Variants in CDH9 observed in about 807,000 individuals in gnomAD.
CDH9 encodes cadherin 9.
In CDH9, 28 loss-of-function variants were observed where a neutral mutation model predicts 70.9. That is an observed-to-expected ratio of 0.40 (90% CI 0.29 to 0.54). The LOEUF (loss-of-function observed/expected upper bound fraction) is 0.54, where lower values mean the gene tolerates loss of function less well. CDH9 is among the 20% of genes least tolerant of loss of function. The pLI, the probability that CDH9 is intolerant of heterozygous loss-of-function variation, is 0.59. For synonymous variants in CDH9, 409 were observed against 343.1 expected (o/e 1.19, Z -2.12); for missense variants, 874 against 984.4 (o/e 0.89, Z 1.50).
At chr5:26,911,674 GA>G (rs56193729) in intron 3 of CDH9, among the ~76,000 whole-genome samples, 142,065 of 151,426 alleles carry the variant, frequency 0.94, 67,258 homozygotes, top group East Asian at 1. Context: ...ATGATCACAA[GA>G]AAAAAAAAAG....
intron 1 of CDH9, among the ~76,000 whole-genome samples, chr5:27,025,180 G>T (rs1743200898): frequency 6.6e-6 from 1 of 152,116 alleles, no homozygotes; most frequent in South Asian, 2.1e-4. Flanking sequence ...TTTGGGGAAA[G>T]AATATTGGCA....
chr5:27,025,513 A>C (rs574960117), intron 1 of CDH9, among the ~76,000 whole-genome samples: 1 of 152,224 alleles, frequency 6.6e-6, no homozygotes, highest in Non-Finnish European at 1.5e-5. Flanking sequence ...TAAAGAGGGA[A>C]GAGAAGCCGT....
At chr5:27,033,345 T>C (rs1164401658) in intron 1 of CDH9, among the ~76,000 whole-genome samples, 1 of 151,460 alleles carries the variant, frequency 6.6e-6, no homozygotes. Flanking sequence ...TTGTGCTTTC[T>C]TTCTGTTTTC....
chr5:26,988,452 A>C (rs1331692422), intron 1 of CDH9, 70 bp from the exon 2 acceptor site: 2 of 1,306,504 alleles, frequency 1.5e-6, no homozygotes, highest in African/African-American at 3.0e-5. Flanking sequence ...TGTAAACTGA[A>C]ATACTTATTC....
Position 26,906,049 on chromosome 5 carries a change from T to A in CDH9, c.721A>T (p.Met241Leu). Residue 241 changes from methionine to leucine, a missense_variant, in exon 5 of 12, where the codon ATG (methionine) becomes TTG (leucine). Coordinates refer to ENST00000231021, the MANE Select transcript of CDH9 (RefSeq NM_016279.4). ...QYQVVIQAKD[M>L]GGQMGGLSGT... ...GAAAGGCCTCCCATCTGGCCACCCA[T>A]GTCTTTGGCCTGTATAACAACCTGG... is the stretch of plus-strand genomic sequence containing the variant. 6.2e-7 allele frequency: 1 copy of A among 1,613,572 alleles called. No individual in the cohort carries two copies. Among genetic ancestry groups the A allele is most frequent in the Non-Finnish European group, 8.5e-7 (1 of 1,179,456 alleles).
At chr5:27,013,512 C>T (rs996832097) in intron 1 of CDH9, among the ~76,000 whole-genome samples, 11 of 151,856 alleles carry the variant, frequency 7.2e-5, no homozygotes, top group African/African-American at 2.7e-4. Flanking sequence ...GCTATTTGGC[C>T]ATTGAAGTTT....
intron 2 of CDH9, among the ~76,000 whole-genome samples, chr5:26,961,440 A>G (rs1742033556): frequency 6.6e-6 from 1 of 152,088 alleles, no homozygotes; most frequent in Non-Finnish European, 1.5e-5. Flanking sequence ...AATATATACT[A>G]TAGCTTCAAT....
chr5:27,038,026 T>C (rs1743423737), intron 1 of CDH9, among the ~76,000 whole-genome samples: 1 of 151,972 alleles, frequency 6.6e-6, no homozygotes, highest in Non-Finnish European at 1.5e-5. Context: ...TTTTTGACAA[T>C]TTTGACTCAA....
chr5:26,942,590 C>T (rs1193883222), intron 2 of CDH9, among the ~76,000 whole-genome samples: 7 of 152,060 alleles, frequency 4.6e-5, no homozygotes, highest in African/African-American at 9.7e-5. Flanking sequence ...TCAGGATGCA[C>T]GGAAGTTTGG....
intron 5 of CDH9, 88 bp downstream of exon 5, chr5:26,905,871 A>G: frequency 1.0e-6 from 1 of 968,144 alleles, no homozygotes; most frequent in East Asian, 2.4e-5. Flanking sequence ...CCAATAGCAA[A>G]ACTACTAGTA....
At chr5:26,950,504 G>GA (rs1741826862) in intron 2 of CDH9, among the ~76,000 whole-genome samples, 1 of 152,150 alleles carries the variant, frequency 6.6e-6, no homozygotes, top group African/African-American at 2.4e-5. Flanking sequence ...ACTTTCCAGA[G>GA]AAGGAAGTAA....
chr5:27,025,764 C>T (rs1430896620), intron 1 of CDH9, among the ~76,000 whole-genome samples: 1 of 152,000 alleles, frequency 6.6e-6, no homozygotes, highest in African/African-American at 2.4e-5. Context: ...GGTTCTTATT[C>T]TCTCGTGCCT....
Position 26,890,522 on chromosome 5 carries a change from A to T in CDH9, c.1296T>A (p.Gly432=), listed in dbSNP as rs1311654671. 1 of 1,607,176 alleles carries T rather than the reference A, an allele frequency of 6.2e-7. No individual in the cohort carries two copies. The highest frequency in any genetic ancestry group is 8.5e-7 in the Non-Finnish European group (1 of 1,173,780). ...DRHTDMDRIF[G]IHSENGSIFT... ...AAATAGAACCATTTTCTGAGTGAAT[A>T]CCAAAAATACGGTCCATATCAGTAT... Residue 432 remains glycine, a synonymous_variant, in exon 8 of 12, where the codon GGT becomes GGA. Coordinates refer to ENST00000231021, the MANE Select transcript of CDH9 (RefSeq NM_016279.4).
chr5:27,018,959 G>T (rs773379522), intron 1 of CDH9, among the ~76,000 whole-genome samples: 1 of 151,744 alleles, frequency 6.6e-6, no homozygotes, highest in Non-Finnish European at 1.5e-5. Flanking sequence ...TTATTCCTTT[G>T]TCCCAAAGTA....
intron 1 of CDH9, among the ~76,000 whole-genome samples, chr5:27,018,628 T>C (rs1419354771): frequency 6.6e-6 from 1 of 151,986 alleles, no homozygotes; most frequent in East Asian, 1.9e-4. Context: ...GCATTCCCTT[T>C]AATAATGTAT....
chr5:27,022,814 T>C (rs1383339161), intron 1 of CDH9, among the ~76,000 whole-genome samples: 1 of 152,100 alleles, frequency 6.6e-6, no homozygotes. Context: ...TCAGTTCTGG[T>C]GCTAAACCGG....
intron 7 of CDH9, among the ~76,000 whole-genome samples, chr5:26,900,266 G>A (rs1314176627): frequency 6.6e-6 from 1 of 151,818 alleles, no homozygotes; most frequent in Non-Finnish European, 1.5e-5. Flanking sequence ...CAAACATTAA[G>A]GAAACATTCT....
chr5:26,950,132 T>C (rs1561014223), intron 2 of CDH9, among the ~76,000 whole-genome samples: 1 of 152,176 alleles, frequency 6.6e-6, no homozygotes, highest in Non-Finnish European at 1.5e-5. Flanking sequence ...GTTTCAGTGA[T>C]AGAGAGGCAA....
chr5:26,959,502 C>A (rs1741998552), intron 2 of CDH9, among the ~76,000 whole-genome samples: 1 of 152,092 alleles, frequency 6.6e-6, no homozygotes, highest in Non-Finnish European at 1.5e-5. Flanking sequence ...TCTACTTCTT[C>A]TTATTTACCC....
Sources: allele counts gnomAD v4.1 joint callset (sites outside exome capture counted in the v4.1 genomes callset), GRCh38; gene constraint gnomAD v4.1.1; transcripts MANE v1.5; gene names NCBI Gene and HGNC (gene_info 2026-07-23, HGNC 2026-07-21).